HIF3A: variants seen among roughly 807,000 people sequenced by gnomAD.
HIF3A encodes hypoxia inducible factor 3 subunit alpha.
HIF3A carries 41 observed loss-of-function variants against 67.2 expected under a neutral mutation model. That is an observed-to-expected ratio of 0.61 (90% CI 0.48 to 0.79). The LOEUF (loss-of-function observed/expected upper bound fraction) is 0.79. Ranked by LOEUF, HIF3A falls within the 30% of genes least tolerant of loss-of-function variation. The pLI, the probability that HIF3A is intolerant of heterozygous loss-of-function variation, is 0.00. For synonymous variants in HIF3A, 356 were observed against 374.8 expected, an observed-to-expected ratio of 0.95 and a Z score of 0.58; for missense variants, 855 against 898.0, an observed-to-expected ratio of 0.95 and a Z score of 0.61.
At chr19:46,311,249 T>G (rs1238539372) in intron 6 of HIF3A, among the ~76,000 whole-genome samples, 2 of 152,164 alleles carry the variant, frequency 1.3e-5, no homozygotes, top group African/African-American at 4.8e-5. Flanking sequence ...ACGAACTCAG[T>G]GGCTCCAAAC....
chr19:46,320,762 A>G (rs761120899), intron 9 of HIF3A, among the ~76,000 whole-genome samples: 1 of 152,158 alleles, frequency 6.6e-6, no homozygotes. Flanking sequence ...TTGCACATGC[A>G]GTTTCCTAGA....
chr19:46,317,572 C>T (rs182093459), intron 8 of HIF3A, among the ~76,000 whole-genome samples: 1 of 152,094 alleles, frequency 6.6e-6, no homozygotes, highest in African/African-American at 2.4e-5. Context: ...CCTCTCCTTT[C>T]TCCTGAGTCA....
At chr19:46,337,416 G>A (rs1391353923) in intron 14 of HIF3A, among the ~76,000 whole-genome samples, 2 of 152,068 alleles carry the variant, frequency 1.3e-5, no homozygotes, top group Non-Finnish European at 2.9e-5. Flanking sequence ...CTACAAGTGC[G>A]CTTCATTACG....
intron 10 of HIF3A, among the ~76,000 whole-genome samples, chr19:46,323,750 G>A (rs564915367): frequency 2.0e-5 from 3 of 152,262 alleles, no homozygotes; most frequent in South Asian, 4.1e-4. Context: ...CATGGCGGAA[G>A]GTGAAAGATA....
chr19:46,335,284 T>TTTA (rs1488413271), intron 14 of HIF3A, among the ~76,000 whole-genome samples: 63 of 124,184 alleles, frequency 5.1e-4, no homozygotes, highest in Non-Finnish European at 7.5e-4. Context: ...TTATTTATTT[T>TTTA]TTGAGATGAA....
chr19:46,319,406 G>A (rs1433805780), intron 8 of HIF3A, among the ~76,000 whole-genome samples: 1 of 152,002 alleles, frequency 6.6e-6, no homozygotes, highest in Non-Finnish European at 1.5e-5. Flanking sequence ...ACAAATGAGG[G>A]CCTGATCCTC....
chr19:46,303,690 A>T (rs1367624680), intron 1 of HIF3A: 2 of 1,585,298 alleles, frequency 1.3e-6, no homozygotes, highest in Non-Finnish European at 1.7e-6. Context: ...GACCACAGGT[A>T]AAATCAGGGC....
At chr19:46,320,634 A>C in intron 9 of HIF3A, 73 bp downstream of exon 9, 18 of 1,116,928 alleles carry the variant, frequency 1.6e-5, no homozygotes, top group Non-Finnish European at 2.3e-5. Flanking sequence ...GCACCTTAAC[A>C]TGGCTCACCA....
chr19:46,336,085 C>A (rs1465907503), intron 14 of HIF3A, among the ~76,000 whole-genome samples: 2 of 79,370 alleles, frequency 2.5e-5, no homozygotes, highest in African/African-American at 5.5e-5. Flanking sequence ...CTCTCTCTCT[C>A]TTTTTTTTTT....
At chr19:46,335,562 A>C (rs1452692580) in intron 14 of HIF3A, among the ~76,000 whole-genome samples, 2 of 151,954 alleles carry the variant, frequency 1.3e-5, no homozygotes, top group Non-Finnish European at 2.9e-5. Flanking sequence ...GAGCCACTGC[A>C]CCCAGCCTAA....
chr19:46,298,280 A>C (rs1601165807), intron 1 of HIF3A: 8 of 555,524 alleles, frequency 1.4e-5, no homozygotes, highest in East Asian at 8.3e-5. Flanking sequence ...ACTCTATCCC[A>C]CCCCTTTTGG....
chr19:46,307,656 G>A (rs1243013165), intron 3 of HIF3A, among the ~76,000 whole-genome samples: 12 of 152,014 alleles, frequency 7.9e-5, no homozygotes, highest in Admixed American at 7.2e-4. Context: ...GCTGAGGTGG[G>A]AGAATCACTT....
chr19:46,332,510 G>A lies in HIF3A; in HGVS notation c.1830+1237G>A, dbSNP rs187349970. 1.9e-3 allele frequency among the ~76,000 whole-genome samples: 286 copies of A among 152,108 alleles called. 1 individual carries two copies. The highest frequency in any genetic ancestry group is 6.0e-3 in the African/African-American group (251 of 41,498). On this transcript the variant is annotated intron_variant, in intron 13 of 14. Transcript: ENST00000377670. ...AGCCATGATCGTGCCACTGCACTCC[G>A]GCCTAGATGACAGCACAAGACGCTG...
At position 46,334,961 on chromosome 19, in the gene HIF3A, A is replaced by G; in HGVS notation, c.1887A>G (p.Pro629=). 1 of 1,606,700 alleles carries G rather than the reference A, an allele frequency of 6.2e-7. No individual in the cohort carries two copies. Residue 629 remains proline, a synonymous_variant, in exon 14 of 15, where the codon CCA becomes CCG. Coordinates refer to ENST00000377670, the MANE Select transcript of HIF3A (RefSeq NM_152795.4). ...GGAGCCTGCAGGACCCCAGCACCCCACTCCTGAACCTGAATGAGCCCCTGG... is the reference window on the plus strand; with the variant it reads ...GGAGCCTGCAGGACCCCAGCACCCCGCTCCTGAACCTGAATGAGCCCCTGG... ...APGSLQDPST[P]LLNLNEPLGL... is the part of the protein sequence containing the mutation.
intron 2 of HIF3A, 89 bp downstream of exon 2, chr19:46,304,177 C>A (rs530997581): frequency 4.9e-6 from 6 of 1,222,278 alleles, no homozygotes; most frequent in African/African-American, 1.5e-5. Context: ...CTCCGGGAAG[C>A]CTTATTCTGA....
intron 12 of HIF3A, among the ~76,000 whole-genome samples, chr19:46,330,690 G>A (rs11665678): frequency 6.6e-6 from 1 of 151,498 alleles, no homozygotes; most frequent in African/African-American, 2.4e-5. Context: ...TGGATGGATG[G>A]ATGAATCAAT....
chr19:46,319,835 C>T (rs1169550267), intron 8 of HIF3A, among the ~76,000 whole-genome samples: 3 of 152,166 alleles, frequency 2.0e-5, no homozygotes, highest in African/African-American at 7.2e-5. Flanking sequence ...CTCAGTCTTC[C>T]TCCTCTCTGC....
chr19:46,321,793 A>G lies in HIF3A; in HGVS notation c.1162A>G (p.Ile388Val). 6.2e-7 allele frequency: 1 copy of G among 1,613,294 alleles called. No individual in the cohort carries two copies. Among genetic ancestry groups the G allele is most frequent in the South Asian group, 1.1e-5 (1 of 91,004 alleles). Residue 388 changes from isoleucine to valine, a missense_variant, in exon 10 of 15, where the codon ATC (isoleucine) becomes GTC (valine). Coordinates refer to ENST00000377670, the MANE Select transcript of HIF3A (RefSeq NM_152795.4). ...TCCTGCAGACACCCCTGGCCCCCGG[A>G]TCCTTGCCTTCCTGCACCCGCCTTC... ...GDSLDTPGPR[I>V]LAFLHPPSLS...
At chr19:46,299,726 G>GAA (rs1968165471) in intron 1 of HIF3A, among the ~76,000 whole-genome samples, 1 of 45,094 alleles carries the variant, frequency 2.2e-5, no homozygotes. Context: ...AAAAAAAATA[G>GAA]AAAAATAGAA....
Sources: allele counts gnomAD v4.1 joint callset (sites outside exome capture counted in the v4.1 genomes callset), GRCh38; gene constraint gnomAD v4.1.1; transcripts MANE v1.5; gene names NCBI Gene and HGNC (gene_info 2026-07-23, HGNC 2026-07-21).